NAALADL2: variants seen among roughly 807,000 people sequenced by gnomAD.
NAALADL2 encodes the protein inactive N-acetylated-alpha-linked acidic dipeptidase-like protein 2.
In NAALADL2, 76 loss-of-function variants were observed where a neutral mutation model predicts 87.2. The observed-to-expected ratio is 0.87, with a 90% CI of 0.72 to 1.05. The LOEUF is 1.05. NAALADL2 is among the 50% of genes least tolerant of loss of function. The probability of loss-of-function intolerance (pLI) is 0.00; values close to 1 mark genes in which losing one functional copy is unlikely to be tolerated. For synonymous variants in NAALADL2, 354 were observed against 331.0 expected (o/e 1.07, Z -0.75); for missense variants, 1,089 against 945.8 (o/e 1.15, Z -1.99).
At chr3:175,576,596 C>G (rs1332250101) in intron 10 of NAALADL2, among the ~76,000 whole-genome samples, 2 of 152,100 alleles carry the variant, frequency 1.3e-5, no homozygotes, top group African/African-American at 4.8e-5. Flanking sequence ...ATTAGCTACC[C>G]AAAGTTTGTC....
At position 175,792,722 on chromosome 3, in the gene NAALADL2, C is replaced by T. The variant is rs544257166; in HGVS notation, c.2190-10283C>T. ...GCCGTACTCACATTGGCTTAACTGA[C>T]GTAATTGAAAATCAAGAGGAAGTGC... On this transcript the variant is annotated intron_variant, in intron 13 of 13. Transcript: ENST00000454872. Among the ~76,000 whole-genome samples, 6 of 152,256 alleles carry T rather than the reference C, an allele frequency of 3.9e-5. No homozygotes were observed. The South Asian group carries it at 1.0e-3, about 26-fold the overall frequency.
chr3:174,745,271 AC>A (rs1381793780), intron 3 of NAALADL2, among the ~76,000 whole-genome samples: 21 of 152,128 alleles, frequency 1.4e-4, no homozygotes, highest in African/African-American at 2.7e-4. Flanking sequence ...ATCACCACTG[AC>A]CCCACAGAAA....
In NAALADL2 at chr3:174,962,697, G is replaced by A. The variant is rs189322263; in HGVS notation, c.43+103247G>A. 7.0e-3 allele frequency among the ~76,000 whole-genome samples: 1,071 copies of A among 151,992 alleles called. 6 individuals carry two copies. The highest frequency in any genetic ancestry group is 0.011 in the South Asian group (51 of 4,806). ...ACTGGGAGCTGAAACTTGTTATCTCGATTATGAGGGACTTGATGCTCAATA... is the reference window on the plus strand; with the variant it reads ...ACTGGGAGCTGAAACTTGTTATCTCAATTATGAGGGACTTGATGCTCAATA... On this transcript the variant is annotated intron_variant, in intron 1 of 13. Transcript: ENST00000454872.
At chr3:175,631,322 G>A (rs1727733442) in intron 11 of NAALADL2, among the ~76,000 whole-genome samples, 1 of 151,748 alleles carries the variant, frequency 6.6e-6, no homozygotes, top group Non-Finnish European at 1.5e-5. Context: ...CAGTGGTTTG[G>A]TTAGGGCATT....
chr3:175,094,350 C>T (rs1720728752), intron 1 of NAALADL2, among the ~76,000 whole-genome samples: 1 of 151,920 alleles, frequency 6.6e-6, no homozygotes, highest in Non-Finnish European at 1.5e-5. Flanking sequence ...TTATAAAGCA[C>T]ATTAAAATAA....
intron 2 of NAALADL2, among the ~76,000 whole-genome samples, chr3:174,679,818 T>C (rs1195392456): frequency 6.6e-6 from 1 of 152,244 alleles, no homozygotes; most frequent in African/African-American, 2.4e-5. Flanking sequence ...TATTATTTTG[T>C]ATTCCTGCTT....
At chr3:174,516,283 T>C (rs1719930077) in intron 1 of NAALADL2, among the ~76,000 whole-genome samples, 1 of 152,096 alleles carries the variant, frequency 6.6e-6, no homozygotes, top group Non-Finnish European at 1.5e-5. Context: ...ATCTTCGTTG[T>C]TCAGATATCA....
At chr3:175,371,054 G>T (rs994621489) in intron 5 of NAALADL2, among the ~76,000 whole-genome samples, 2 of 152,084 alleles carry the variant, frequency 1.3e-5, no homozygotes, top group Non-Finnish European at 2.9e-5. Flanking sequence ...AGGGTAGTTT[G>T]AACAGTATGG....
At chr3:175,158,203 A>G (rs746071753) in intron 2 of NAALADL2, among the ~76,000 whole-genome samples, 36 of 152,054 alleles carry the variant, frequency 2.4e-4, no homozygotes, top group African/African-American at 3.4e-4. Context: ...ATCATATTCA[A>G]TATTCCATAT....
chr3:175,346,353 G>A (rs73184774), intron 5 of NAALADL2, among the ~76,000 whole-genome samples: 7,544 of 151,956 alleles, frequency 0.05, 203 homozygotes, highest in Middle Eastern at 0.061. Context: ...GTACAAATAT[G>A]CATGTGTGTA....
At chr3:174,783,206 G>C (rs551882786) in intron 3 of NAALADL2, among the ~76,000 whole-genome samples, 1 of 152,252 alleles carries the variant, frequency 6.6e-6, no homozygotes, top group Admixed American at 6.6e-5. Flanking sequence ...TGTAAGTATA[G>C]AATGGAAAAT....
chr3:174,581,495 T>C (rs1716163274), intron 2 of NAALADL2, among the ~76,000 whole-genome samples: 1 of 152,126 alleles, frequency 6.6e-6, no homozygotes, highest in Non-Finnish European at 1.5e-5. Context: ...AAGCAACTTA[T>C]TATCACTGGA....
At chr3:175,368,572 AGTGT>A (rs3068008) in intron 5 of NAALADL2, among the ~76,000 whole-genome samples, 4,513 of 149,596 alleles carry the variant, frequency 0.03, 75 homozygotes, top group Middle Eastern at 0.056. Flanking sequence ...GGTGTGTGTG[AGTGT>A]GTGTGTGTGT....
chr3:175,183,699 G>A (rs148900131), intron 2 of NAALADL2, among the ~76,000 whole-genome samples: 227 of 152,072 alleles, frequency 1.5e-3, no homozygotes, highest in African/African-American at 4.8e-3. Context: ...TATAGTCAAC[G>A]ATCCTTTTAG....
At chr3:175,159,758 T>C (rs1241788021) in intron 2 of NAALADL2, among the ~76,000 whole-genome samples, 1 of 152,028 alleles carries the variant, frequency 6.6e-6, no homozygotes, top group African/African-American at 2.4e-5. Context: ...ATAAAAGATG[T>C]AGCAAATGAT....
At chr3:175,352,055 G>A (rs1763833056) in intron 5 of NAALADL2, among the ~76,000 whole-genome samples, 1 of 152,014 alleles carries the variant, frequency 6.6e-6, no homozygotes, top group Admixed American at 6.6e-5. Flanking sequence ...CGCATGCATC[G>A]AGAGGGTATG....
intron 2 of NAALADL2, among the ~76,000 whole-genome samples, chr3:175,229,457 A>T (rs1263867993): frequency 6.6e-6 from 1 of 151,990 alleles, no homozygotes; most frequent in Non-Finnish European, 1.5e-5. Flanking sequence ...CATTATCTTA[A>T]TTTGTTCAGG....
intron 9 of NAALADL2, among the ~76,000 whole-genome samples, chr3:175,517,393 C>A (rs1731996005): frequency 6.6e-6 from 1 of 152,032 alleles, no homozygotes; most frequent in South Asian, 2.1e-4. Flanking sequence ...ATATTTTTTT[C>A]TTTATTCATG....
intron 1 of NAALADL2, among the ~76,000 whole-genome samples, chr3:174,997,553 G>C (rs1394068095): frequency 6.6e-6 from 1 of 152,090 alleles, no homozygotes; most frequent in African/African-American, 2.4e-5. Context: ...GGCCGGGCAC[G>C]GTGGCTCATG....
Sources: allele counts gnomAD v4.1 joint callset (sites outside exome capture counted in the v4.1 genomes callset), GRCh38; gene constraint gnomAD v4.1.1; transcripts MANE v1.5; gene names NCBI Gene and HGNC (gene_info 2026-07-23, HGNC 2026-07-21).